The following LGI1 variants were observed in gnomAD, a reference collection of about 807,000 sequenced individuals.
LGI1 encodes leucine rich glioma inactivated 1, also known as leucine-rich glioma-inactivated protein 1.
LGI1 carries 11 observed loss-of-function variants against 57.7 expected under a neutral mutation model. The observed-to-expected ratio is 0.19, with a 90% CI of 0.12 to 0.32. The LOEUF is 0.32. Among genes scored for constraint, LGI1 ranks in the 10% least tolerant of loss-of-function variants. LGI1 has a pLI of 1.00. For missense variants in LGI1, 422 were observed against 661.9 expected (o/e 0.64, Z 3.98); for synonymous variants, 222 against 241.9 (o/e 0.92, Z 0.76).
intron 7 of LGI1, among the ~76,000 whole-genome samples, chr10:93,795,146 T>A (rs1378779781): frequency 1.3e-5 from 2 of 152,212 alleles, no homozygotes; most frequent in Non-Finnish European, 2.9e-5. Context: ...GATGAGCACT[T>A]ACAAGAGAAA....
chr10:93,776,649 A>T (rs2059797550), intron 2 of LGI1, among the ~76,000 whole-genome samples: 1 of 152,074 alleles, frequency 6.6e-6, no homozygotes, highest in Non-Finnish European at 1.5e-5. Context: ...GCCTAAAACT[A>T]CCTCTTTTAA....
chr10:93,784,884 T>C (rs12245206), intron 4 of LGI1, among the ~76,000 whole-genome samples: 23,159 of 152,108 alleles, frequency 0.15, 4,234 homozygotes, highest in African/African-American at 0.44. Context: ...TGGGCCAGGA[T>C]CCATAACATG....
chr10:93,759,559 G>A (rs1355562000), intron 2 of LGI1, among the ~76,000 whole-genome samples: 2 of 152,146 alleles, frequency 1.3e-5, no homozygotes, highest in Non-Finnish European at 2.9e-5. Flanking sequence ...GTAATGTTTG[G>A]CAATTGGAGT....
At chr10:93,789,738 G>A (rs1036411294) in intron 4 of LGI1, 1 of 214,196 alleles carries the variant, frequency 4.7e-6, no homozygotes, top group Non-Finnish European at 9.3e-6. Context: ...GCCGGGTATG[G>A]TGGCGGGCAC....
intron 7 of LGI1, chr10:93,794,817 C>T (rs192653414): frequency 6.6e-6 from 1 of 152,268 alleles, no homozygotes; most frequent in East Asian, 1.9e-4. Context: ...TCACACCTCC[C>T]CATAAAAGGT....
At chr10:93,770,213 C>T (rs1438238190) in intron 2 of LGI1, 2 of 152,248 alleles carry the variant, frequency 1.3e-5, no homozygotes. Context: ...AGTCTCCTCG[C>T]TTTACAACAT....
At chr10:93,764,849 G>A (rs1256699652) in intron 2 of LGI1, 1 of 152,164 alleles carries the variant, frequency 6.6e-6, no homozygotes, top group Admixed American at 6.5e-5. Flanking sequence ...TCAGATTAGT[G>A]TCTGATTGTA....
At chr10:93,784,442 C>T (rs1295960430) in intron 4 of LGI1, among the ~76,000 whole-genome samples, 1 of 152,168 alleles carries the variant, frequency 6.6e-6, no homozygotes, top group Non-Finnish European at 1.5e-5. Flanking sequence ...AGTGATCATT[C>T]ACTTTATAGA....
chr10:93,793,912 T>A (rs2059956872), intron 7 of LGI1: 2 of 152,736 alleles, frequency 1.3e-5, no homozygotes, highest in African/African-American at 4.8e-5. Flanking sequence ...TACAGACATC[T>A]GTGGATCTGA....
chr10:93,792,693 G>A, intron 5 of LGI1, 50 bp from the exon 6 acceptor site: 1 of 1,578,542 alleles, frequency 6.3e-7, no homozygotes, highest in Non-Finnish European at 8.7e-7. Flanking sequence ...ACTCTTTCCT[G>A]CGTGGGTAGG....
chr10:93,769,195 G>A (rs1411629545), intron 2 of LGI1: 4 of 152,196 alleles, frequency 2.6e-5, no homozygotes, highest in African/African-American at 9.7e-5. Flanking sequence ...AAAGGGTTTG[G>A]ATCATTTAAG....
Position 93,777,531 on chromosome 10 carries a change from T to C in LGI1, c.360-15T>C. 6.2e-7 allele frequency: 1 copy of C among 1,612,370 alleles called. No individual in the cohort carries two copies. The highest frequency in any genetic ancestry group is 8.5e-7 in the Non-Finnish European group (1 of 1,178,454). Reference sequence around the variant, plus strand: ...CCTGTAACTGTTTGACAAAAAATATTATAACTTATTGCAGATTCATAGAAA... The same window carrying C: ...CCTGTAACTGTTTGACAAAAAATATCATAACTTATTGCAGATTCATAGAAA... On this transcript the variant is annotated splice_polypyrimidine_tract_variant and intron_variant, in intron 3 of 7. Coordinates refer to ENST00000371418, the MANE Select transcript of LGI1 (RefSeq NM_005097.4).
intron 2 of LGI1, among the ~76,000 whole-genome samples, chr10:93,765,969 C>CAAAAAAAAAA (rs35644716): frequency 1.1e-5 from 1 of 95,042 alleles, no homozygotes; most frequent in African/African-American, 4.0e-5. Flanking sequence ...GCCTCCGTCT[C>CAAAAAAAAAA]AAAAAAAAAA....
At chr10:93,787,774 G>A (rs1327105583) in intron 4 of LGI1, among the ~76,000 whole-genome samples, 1 of 152,026 alleles carries the variant, frequency 6.6e-6, no homozygotes, top group East Asian at 1.9e-4. Flanking sequence ...GGGCATGGTG[G>A]GACACACCTG....
Position 93,758,602 on chromosome 10 carries a change from T to C in LGI1, c.216-158T>C, listed in dbSNP as rs759545955. On this transcript the variant is annotated intron_variant, in intron 1 of 7. Coordinates refer to ENST00000371418, the MANE Select transcript of LGI1 (RefSeq NM_005097.4). The surrounding 1 kb of genome is among the most constrained non-coding windows in gnomAD (Gnocchi z 4.7). ...GAGAAACCTGTAGCCGATTCATTTC[T>C]CTTACTTCATCTGGGAAGGAATAGT... 1.4e-6 allele frequency: 1 copy of C among 696,428 alleles called. No homozygotes were observed. The highest frequency in any genetic ancestry group is 2.3e-5 in the Admixed American group (1 of 43,114). 43.1% of individuals were successfully genotyped at this position (696,428 alleles called of 1,614,324 possible).
At chr10:93,787,854 C>T (rs2059903190) in intron 4 of LGI1, among the ~76,000 whole-genome samples, 1 of 149,192 alleles carries the variant, frequency 6.7e-6, no homozygotes, top group Non-Finnish European at 1.5e-5. Context: ...CTGCATTAAG[C>T]TGTAATTGCA....
chr10:93,775,145 A>G (rs546149171), intron 2 of LGI1, among the ~76,000 whole-genome samples: 13 of 152,180 alleles, frequency 8.5e-5, no homozygotes, highest in Non-Finnish European at 1.5e-4. Context: ...GACTTTTTAC[A>G]AAGTGAATAC....
intron 3 of LGI1, 35 bp downstream of exon 3, chr10:93,777,485 C>G (rs2059805128): frequency 6.2e-7 from 1 of 1,607,274 alleles, no homozygotes; most frequent in Admixed American, 1.7e-5. Context: ...CATGATGATT[C>G]AGGACAAGTA....
intron 2 of LGI1, among the ~76,000 whole-genome samples, chr10:93,760,123 G>A (rs2059607565): frequency 1.3e-5 from 2 of 152,194 alleles, no homozygotes; most frequent in African/African-American, 4.8e-5. Context: ...CTGTTTCATT[G>A]GATTCACAAA....
Sources: allele counts gnomAD v4.1 joint callset (sites outside exome capture counted in the v4.1 genomes callset), GRCh38; gene constraint gnomAD v4.1.1; non-coding constraint Gnocchi (gnomAD v3.1); transcripts MANE v1.5; gene names NCBI Gene and HGNC (gene_info 2026-07-23, HGNC 2026-07-21).